Variants in DHX34 observed in about 807,000 individuals in gnomAD.
DHX34 encodes the protein DExH-box helicase 34, also known as probable ATP-dependent RNA helicase DHX34.
In DHX34, 96 loss-of-function variants were observed where a neutral mutation model predicts 111.1. The observed-to-expected ratio is 0.86, with a 90% confidence interval of 0.73 to 1.02. The LOEUF is 1.02. DHX34 is among the 50% of genes least tolerant of loss of function. DHX34 has a pLI of 0.00. For synonymous variants in DHX34, 688 were observed against 670.4 expected (o/e 1.03, Z -0.41); for missense variants, 1,560 against 1,579.9 (o/e 0.99, Z 0.21).
In DHX34 at chr19:47,375,681, AG is replaced by A. The variant is rs1435032917; in HGVS notation, c.2284del (p.Ala762ProfsTer10). The A allele has an allele frequency of 2.6e-6, 4 of 1,557,350 alleles. No homozygotes were observed. In the Admixed American group the frequency reaches 6.0e-5, roughly 23 times the overall value. The part of the protein sequence containing the change: ...DEDRAGPAPP[G>X]ASDGVDIQDV... ...AGGACAGGGCTGGCCCAGCCCCCCC[AG>A]GGGCCAGTGATGGCGTGGACATCCA... On this transcript the variant is annotated frameshift_variant, in exon 10 of 17. Transcript: ENST00000328771. LOFTEE classifies it high-confidence loss of function.
At position 47,376,100 on chromosome 19, in the gene DHX34, G is replaced by A. The variant is rs1970147062; in HGVS notation, c.2481+3G>A. The A allele has an allele frequency of 6.4e-7, 1 of 1,553,294 alleles. No homozygotes were observed. The highest frequency in any genetic ancestry group is 1.4e-5 in the African/African-American group (1 of 72,372). On this transcript the variant is annotated splice_donor_region_variant and intron_variant, in intron 11 of 16. Coordinates refer to ENST00000328771, the MANE Select transcript of DHX34 (RefSeq NM_014681.6). ...GCAGCCGAAAGGACTCAGACCAGGT[G>A]GGGCCTGTTCTGCCCCATCCTATGT...
rs192173144 is a variant in DHX34 at position 47,378,703 on chromosome 19, T to G, written c.2707-1007T>G. Reference sequence around the variant, plus strand: ...TTTAAAAAGTTAGCTGGGCGTGGTGTTGTGTGCCTGTAATCCCAGCTACTC... The same window carrying G: ...TTTAAAAAGTTAGCTGGGCGTGGTGGTGTGTGCCTGTAATCCCAGCTACTC... On this transcript the variant is annotated intron_variant, in intron 13 of 16. Transcript: ENST00000328771. Among the ~76,000 whole-genome samples the G allele has an allele frequency of 2.0e-3, 305 of 152,062 alleles. 2 individuals are homozygous for G. The highest frequency in any genetic ancestry group is 3.6e-3 in the Non-Finnish European group (244 of 67,962).
At chr19:47,360,158 C>A in intron 5 of DHX34, 88 bp downstream of exon 5, 1 of 1,273,788 alleles carries the variant, frequency 7.9e-7, no homozygotes, top group Non-Finnish European at 1.1e-6. Context: ...AGGGGCGCAC[C>A]AGCTTGGATT....
intron 5 of DHX34, among the ~76,000 whole-genome samples, chr19:47,360,600 C>T (rs1969600025): frequency 6.6e-6 from 1 of 152,158 alleles, no homozygotes; most frequent in Admixed American, 6.5e-5. Flanking sequence ...CCATACTGTC[C>T]ACTCTGTCTA....
chr19:47,381,646 C>T lies in DHX34; in HGVS notation c.3298+322C>T, dbSNP rs957234194. On this transcript the variant is annotated intron_variant, in intron 16 of 16. Coordinates refer to ENST00000328771, the MANE Select transcript of DHX34 (RefSeq NM_014681.6). ...CAGCTATCTCTGCCTTGGTCACCTC[C>T]ACCCTGTTGTCACCCAGGGATGCCA... 17 of 595,432 alleles carry T rather than the reference C, an allele frequency of 2.9e-5. No homozygotes were observed. In the East Asian group the frequency reaches 4.9e-4, roughly 17 times the overall value. The allele number at this position is 595,432 out of a possible 1,614,324, so 36.9% of individuals were successfully genotyped here.
chr19:47,377,340 C>T (rs1024431794), intron 13 of DHX34, 134 bp downstream of exon 13: 35 of 902,384 alleles, frequency 3.9e-5, no homozygotes, highest in African/African-American at 6.7e-5. Flanking sequence ...AGCCTTGGGC[C>T]GTTGCTGTGG....
At chr19:47,358,685 G>A (rs1445787093) in intron 4 of DHX34, among the ~76,000 whole-genome samples, 1 of 152,112 alleles carries the variant, frequency 6.6e-6, no homozygotes, top group Admixed American at 6.5e-5. Context: ...CATGATCGTG[G>A]CTTACTGCAA....
intron 7 of DHX34, among the ~76,000 whole-genome samples, chr19:47,371,205 G>A (rs371920865): frequency 6.6e-6 from 1 of 152,192 alleles, no homozygotes; most frequent in South Asian, 2.1e-4. Context: ...GGCTTTGATC[G>A]GAGGTGATGG....
intron 7 of DHX34, among the ~76,000 whole-genome samples, chr19:47,371,750 C>G (rs894457775): frequency 6.6e-6 from 1 of 152,146 alleles, no homozygotes; most frequent in African/African-American, 2.4e-5. Context: ...CAGGCGCCTG[C>G]CACCACACCC....
intron 13 of DHX34, 124 bp from the exon 14 acceptor site, chr19:47,379,586 G>A: frequency 1.4e-6 from 2 of 1,478,414 alleles, no homozygotes; most frequent in South Asian, 1.4e-5. Context: ...GTAGATGGCG[G>A]GTAGGTGGAT....
In DHX34 at chr19:47,358,063, C is replaced by T. The variant is rs1027674752; in HGVS notation, c.1215C>T (p.Thr405=). ...CTGCCCAGACCTATGCCAGCCACAC[C>T]CAGCGCTGGGTGGTACTGCCACTGC... ...LEAAQTYASH[T]QRWVVLPLHS... is the part of the protein sequence containing the mutation. The change falls in exon 4 of 17, where the codon ACC becomes ACT. Residue 405 remains threonine (T), a synonymous_variant. Coordinates refer to ENST00000328771, the MANE Select transcript of DHX34 (RefSeq NM_014681.6). The T allele has an allele frequency of 1.9e-6, 3 of 1,613,160 alleles. No individual in the cohort carries two copies. The Admixed American group carries it at 5.0e-5, about 27-fold the overall frequency.
At position 47,358,121 on chromosome 19, in the gene DHX34, G is replaced by A. The variant is rs1279649766; in HGVS notation, c.1272+1G>A. 6.2e-7 allele frequency: 1 copy of A among 1,601,518 alleles called. No homozygotes were observed. The highest frequency in any genetic ancestry group is 8.5e-7 in the Non-Finnish European group (1 of 1,170,264). On this transcript the variant is annotated splice_donor_variant, in intron 4 of 16. Coordinates refer to ENST00000328771, the MANE Select transcript of DHX34 (RefSeq NM_014681.6). LOFTEE classifies it high-confidence loss of function. ...CCTGTCTGTGGCCGACCAGGACAAG[G>A]TATCACAGGAAGCCCGAGTGGGGCA...
At chr19:47,381,375 A>G (rs777100631) in intron 16 of DHX34, 51 bp downstream of exon 16, 73 of 1,580,940 alleles carry the variant, frequency 4.6e-5, no homozygotes, top group Admixed American at 1.1e-4. Flanking sequence ...CCGTCTGCCC[A>G]TCCCATGATG....
intron 1 of DHX34, among the ~76,000 whole-genome samples, chr19:47,351,424 C>G (rs747665494): frequency 7.2e-5 from 11 of 151,922 alleles, no homozygotes; most frequent in Non-Finnish European, 1.0e-4. Context: ...CAACTGTAAG[C>G]AAAAAGGCAT....
At chr19:47,365,804 G>A (rs1474740746) in intron 6 of DHX34, among the ~76,000 whole-genome samples, 7 of 152,216 alleles carry the variant, frequency 4.6e-5, no homozygotes, top group African/African-American at 1.2e-4. Context: ...GCCAGACCCC[G>A]GGGTGGACAT....
chr19:47,379,647 C>A, intron 13 of DHX34, 63 bp from the exon 14 acceptor site: 2 of 1,529,956 alleles, frequency 1.3e-6, no homozygotes, highest in Non-Finnish European at 8.8e-7. Flanking sequence ...CCGGGCAGGG[C>A]CTGTCTCCAA....
In DHX34 at chr19:47,382,161, A is replaced by G. The variant is rs749681125; in HGVS notation, c.*48A>G. On this transcript the variant is annotated 3_prime_UTR_variant, in exon 17 of 17. Coordinates refer to ENST00000328771, the MANE Select transcript of DHX34 (RefSeq NM_014681.6). ...CCTCCGTGCAGCTGACCTGCCCTCC[A>G]GCCCAGGACTAGGGGCAGGACTCTT... The G allele has an allele frequency of 1.2e-6, 2 of 1,607,562 alleles. No individual in the cohort carries two copies. Among genetic ancestry groups the G allele is most frequent in the Admixed American group, 3.4e-5 (2 of 58,980 alleles).
intron 2 of DHX34, 89 bp from the exon 3 acceptor site, chr19:47,354,950 G>C: frequency 6.4e-7 from 1 of 1,552,152 alleles, no homozygotes; most frequent in South Asian, 1.2e-5. Flanking sequence ...CACCGCACCC[G>C]GCCTGCTTAG....
At chr19:47,354,462 G>A (rs1183365775) in intron 2 of DHX34, among the ~76,000 whole-genome samples, 2 of 152,048 alleles carry the variant, frequency 1.3e-5, no homozygotes, top group African/African-American at 4.8e-5. Context: ...ATATACATGA[G>A]GCACAGTGCT....
Sources: allele counts gnomAD v4.1 joint callset (sites outside exome capture counted in the v4.1 genomes callset), GRCh38; gene constraint gnomAD v4.1.1; transcripts MANE v1.5; gene names NCBI Gene and HGNC (gene_info 2026-07-23, HGNC 2026-07-21).